Variants in PTPRG observed in about 807,000 individuals in gnomAD.
PTPRG encodes receptor-type tyrosine-protein phosphatase gamma.
In PTPRG, 102 loss-of-function variants were observed where a neutral mutation model predicts 165.3. That is an observed-to-expected ratio of 0.62 (90% CI 0.53 to 0.73). The LOEUF is 0.73. PTPRG is among the 30% of genes least tolerant of loss of function. The pLI, the probability that PTPRG is intolerant of heterozygous loss-of-function variation, is 0.00. For missense variants in PTPRG, 1,866 were observed against 1,861.4 expected (o/e 1.00, Z -0.05); for synonymous variants, 675 against 669.5 (o/e 1.01, Z -0.13).
At position 62,195,009 on chromosome 3, in the gene PTPRG, G is replaced by A. The variant is rs2106817295; in HGVS notation, c.1219-53G>A. 5 of 1,553,036 alleles carry A rather than the reference G, an allele frequency of 3.2e-6. No homozygotes were observed. Among genetic ancestry groups the A allele is most frequent in the South Asian group, 1.1e-5 (1 of 89,596 alleles). ...CTCAGGTTTGGCTTTAGAATGCAAA[G>A]TGTGCCTTGGCCTTCAAAACTAACT... On this transcript the variant is annotated intron_variant, in intron 9 of 29. Transcript: ENST00000474889. The surrounding 1 kb of genome is among the most constrained non-coding windows in gnomAD (Gnocchi z 4.4).
At chr3:61,885,688 T>TCTCCTCTCCTCTCCA (rs2038013999) in intron 2 of PTPRG, among the ~76,000 whole-genome samples, 1 of 107,436 alleles carries the variant, frequency 9.3e-6, no homozygotes. Flanking sequence ...TCTCCTCTCC[T>TCTCCTCTCCTCTCCA]CTCCTCTCCT....
At chr3:61,641,690 G>T (rs1044472354) in intron 1 of PTPRG, among the ~76,000 whole-genome samples, 3 of 152,150 alleles carry the variant, frequency 2.0e-5, no homozygotes, top group Non-Finnish European at 4.4e-5. Context: ...GTTTAGTAGT[G>T]TCAACAGATG....
At chr3:61,784,232 C>T (rs2034628353) in intron 2 of PTPRG, among the ~76,000 whole-genome samples, 1 of 152,146 alleles carries the variant, frequency 6.6e-6, no homozygotes, top group Non-Finnish European at 1.5e-5. Context: ...CTATTCCCAG[C>T]AGCTGATCTG....
At chr3:62,035,291 A>G (rs1465414838) in intron 4 of PTPRG, among the ~76,000 whole-genome samples, 1 of 152,186 alleles carries the variant, frequency 6.6e-6, no homozygotes, top group African/African-American at 2.4e-5. Context: ...TCACCTGGAA[A>G]TGGGAATAGC....
intron 1 of PTPRG, among the ~76,000 whole-genome samples, chr3:61,718,544 T>C (rs192849036): frequency 2.6e-5 from 4 of 152,314 alleles, no homozygotes; most frequent in Admixed American, 1.3e-4. Context: ...ATATTAGTTA[T>C]GGGAGTGAGC....
At chr3:62,009,277 G>T (rs963265114) in intron 4 of PTPRG, among the ~76,000 whole-genome samples, 1 of 152,110 alleles carries the variant, frequency 6.6e-6, no homozygotes, top group African/African-American at 2.4e-5. Context: ...GTCTCCCTGT[G>T]GGGTGGATGT....
intron 1 of PTPRG, among the ~76,000 whole-genome samples, chr3:61,722,336 C>T (rs778659703): frequency 2.0e-5 from 3 of 152,142 alleles, no homozygotes; most frequent in Non-Finnish European, 2.9e-5. Flanking sequence ...GGGCCAAATA[C>T]GTTCATTAGG....
intron 2 of PTPRG, among the ~76,000 whole-genome samples, chr3:61,759,035 G>A (rs2106957217): frequency 6.6e-6 from 1 of 152,290 alleles, no homozygotes; most frequent in Non-Finnish European, 1.5e-5. Context: ...TGTTCTTTGA[G>A]TGTAAAGTGG....
rs1702970574 is a variant in PTPRG, at chr3:62,293,469, C to G, written c.*162C>G. On this transcript the variant is annotated 3_prime_UTR_variant, in exon 30 of 30. Coordinates refer to ENST00000474889, the MANE Select transcript of PTPRG (RefSeq NM_002841.4). Reference sequence around the variant, plus strand: ...TTGCCATTTTATGTCTTAATGGTATCCTACTGAGCATTTGCACCTCTGTTC... The same window carrying G: ...TTGCCATTTTATGTCTTAATGGTATGCTACTGAGCATTTGCACCTCTGTTC... 2 of 557,764 alleles carry G rather than the reference C, an allele frequency of 3.6e-6. No individual in the cohort carries two copies. The highest frequency in any genetic ancestry group is 6.4e-5 in the East Asian group (2 of 31,274). The allele number at this position is 557,764 out of a possible 1,614,324, so 34.6% of individuals were successfully genotyped here.
chr3:62,266,145 T>G (rs992204777), intron 17 of PTPRG, among the ~76,000 whole-genome samples: 1 of 152,174 alleles, frequency 6.6e-6, no homozygotes, highest in African/African-American at 2.4e-5. Flanking sequence ...AATTTCAAAT[T>G]AGATGTAATT....
intron 1 of PTPRG, among the ~76,000 whole-genome samples, chr3:61,601,394 G>A (rs770094873): frequency 3.3e-5 from 5 of 152,208 alleles, no homozygotes; most frequent in Admixed American, 6.5e-5. Flanking sequence ...CTGAAACACT[G>A]TAGAATGTGG....
chr3:61,995,687 CCTTCCTTCCTTCCT>C (rs1559735843), intron 3 of PTPRG, among the ~76,000 whole-genome samples: 11,127 of 88,236 alleles, frequency 0.13, 886 homozygotes, highest in Admixed American at 0.17. Flanking sequence ...CGCCCGCCTT[CCTTCCTTCCTTCCT>C]TCCTTCCTTC....
intron 1 of PTPRG, among the ~76,000 whole-genome samples, chr3:61,614,822 T>C (rs1437786658): frequency 6.6e-6 from 1 of 152,230 alleles, no homozygotes. Context: ...ACTGTATAGA[T>C]TGTGGCACAG....
At chr3:61,742,346 G>A (rs1186883539) in intron 1 of PTPRG, 3 of 708,388 alleles carry the variant, frequency 4.2e-6, no homozygotes, top group Non-Finnish European at 6.8e-6. Context: ...GATATCTTCA[G>A]TAGTAGGTGA....
intron 4 of PTPRG, among the ~76,000 whole-genome samples, chr3:62,076,472 A>C (rs1008250684): frequency 5.3e-5 from 8 of 152,058 alleles, no homozygotes; most frequent in Non-Finnish European, 1.0e-4. Context: ...GGAAGCTGGA[A>C]TAGGAACCCA....
chr3:61,884,469 G>C (rs546977179), intron 2 of PTPRG, among the ~76,000 whole-genome samples: 1 of 152,208 alleles, frequency 6.6e-6, no homozygotes, highest in Non-Finnish European at 1.5e-5. Context: ...TCATGTGGAG[G>C]AAAGTTTTGA....
chr3:62,069,940 A>G (rs1303542994), intron 4 of PTPRG, among the ~76,000 whole-genome samples: 3 of 152,168 alleles, frequency 2.0e-5, no homozygotes, highest in Non-Finnish European at 4.4e-5. Flanking sequence ...TCTAAAGTCT[A>G]CTGATTTAAA....
At chr3:62,051,646 G>A (rs537904682) in intron 4 of PTPRG, among the ~76,000 whole-genome samples, 3 of 152,208 alleles carry the variant, frequency 2.0e-5, no homozygotes, top group East Asian at 1.9e-4. Flanking sequence ...ATTCTGATAC[G>A]TGATAAAATT....
intron 5 of PTPRG, among the ~76,000 whole-genome samples, chr3:62,131,221 C>T (rs1385924493): frequency 1.3e-5 from 2 of 152,132 alleles, no homozygotes; most frequent in Non-Finnish European, 2.9e-5. Context: ...TCAGTAGCCC[C>T]TCCCCTTCTC....
Sources: gnomAD v4.1 joint callset for allele counts (sites outside exome capture counted in the v4.1 genomes callset) on GRCh38, gnomAD v4.1.1 for gene constraint, Gnocchi (gnomAD v3.1) non-coding constraint, MANE v1.5 for transcripts, NCBI Gene and HGNC (gene_info 2026-07-23, HGNC 2026-07-21) for gene names.